SRGAP3: variants seen among roughly 807,000 people sequenced by gnomAD.
The protein encoded by SRGAP3 is SLIT-ROBO Rho GTPase activating protein 3.
Under a neutral mutation model 121.1 loss-of-function variants are expected in SRGAP3, and 39 were observed. That is an observed-to-expected ratio of 0.32 (90% CI 0.25 to 0.42). SRGAP3 has a LOEUF of 0.42. Ranked by LOEUF, SRGAP3 falls within the 10% of genes least tolerant of loss-of-function variation. The probability of loss-of-function intolerance (pLI) is 1.00; values close to 1 mark genes in which losing one functional copy is unlikely to be tolerated. For synonymous variants in SRGAP3, 601 were observed against 570.0 expected, an observed-to-expected ratio of 1.05 and a Z score of -0.77; for missense variants, 1,213 against 1,470.6, an observed-to-expected ratio of 0.82 and a Z score of 2.86.
At chr3:9,167,836 C>T (rs1950844554) in intron 1 of SRGAP3, among the ~76,000 whole-genome samples, 1 of 152,194 alleles carries the variant, frequency 6.6e-6, no homozygotes. Context: ...GCATGCCTCG[C>T]TGTTTTCTTC....
intron 18 of SRGAP3, among the ~76,000 whole-genome samples, chr3:9,002,143 G>A (rs1312307095): frequency 2.0e-5 from 3 of 152,142 alleles, no homozygotes; most frequent in Admixed American, 2.0e-4. Flanking sequence ...GTTCTCTTGG[G>A]TATGCCCTAT....
intron 3 of SRGAP3, among the ~76,000 whole-genome samples, chr3:9,260,934 C>T (rs1001477101): frequency 2.0e-5 from 3 of 152,228 alleles, no homozygotes; most frequent in African/African-American, 7.2e-5. Context: ...GGTTGACAGA[C>T]ACCTTATACA....
Position 9,182,545 on chromosome 3 carries a change from G to A in SRGAP3, c.68-57628C>T, listed in dbSNP as rs112615822. 2.4e-3 allele frequency among the ~76,000 whole-genome samples: 367 copies of A among 152,282 alleles called. 4 individuals carry two copies. The highest frequency in any genetic ancestry group is 7.2e-3 in the African/African-American group (298 of 41,558). On this transcript the variant is annotated intron_variant, in intron 1 of 21. Transcript: ENST00000383836. Reference sequence around the variant, plus strand: ...TCAGACATCCACCCTCCAAAACCATGAGACAATACATTTCTGTGGGTGTTA... The same window carrying A: ...TCAGACATCCACCCTCCAAAACCATAAGACAATACATTTCTGTGGGTGTTA...
chr3:9,163,636 G>C (rs542330167), intron 1 of SRGAP3, among the ~76,000 whole-genome samples: 369 of 152,332 alleles, frequency 2.4e-3, no homozygotes, highest in Non-Finnish European at 4.4e-3. Flanking sequence ...AGACCCCAAA[G>C]GGCTTCCAGA....
chr3:9,287,421 GT>G (rs777596751), intron 3 of SRGAP3, among the ~76,000 whole-genome samples: 12 of 152,262 alleles, frequency 7.9e-5, no homozygotes, highest in Admixed American at 5.9e-4. Context: ...GCCTGAAAAT[GT>G]TTTTCCACTT....
intron 3 of SRGAP3, among the ~76,000 whole-genome samples, chr3:9,293,798 ATCAG>A (rs1421751766): frequency 6.6e-6 from 1 of 152,210 alleles, no homozygotes; most frequent in African/African-American, 2.4e-5. Flanking sequence ...ATCATCTCAC[ATCAG>A]TCAGAATGGC....
chr3:9,344,114 G>T (rs1955842056), intron 1 of SRGAP3, among the ~76,000 whole-genome samples: 1 of 152,172 alleles, frequency 6.6e-6, no homozygotes, highest in African/African-American at 2.4e-5. Flanking sequence ...GAGGTCAGGA[G>T]TTGGAGACCA....
intron 18 of SRGAP3, among the ~76,000 whole-genome samples, chr3:9,006,679 C>T (rs1442920374): frequency 6.6e-6 from 1 of 152,128 alleles, no homozygotes; most frequent in Non-Finnish European, 1.5e-5. Context: ...AGAATGGTGG[C>T]ACAATTATAA....
At chr3:9,003,892 C>G (rs2617113) in intron 18 of SRGAP3, among the ~76,000 whole-genome samples, 1 of 152,232 alleles carries the variant, frequency 6.6e-6, no homozygotes, top group African/African-American at 2.4e-5. Flanking sequence ...GAGATTCTAG[C>G]TGGGCCAATT....
chr3:9,197,965 G>C (rs1483668792), intron 1 of SRGAP3, among the ~76,000 whole-genome samples: 2 of 152,150 alleles, frequency 1.3e-5, no homozygotes, highest in African/African-American at 4.8e-5. Flanking sequence ...TAATATTCCA[G>C]AGAATATTTG....
intron 1 of SRGAP3, among the ~76,000 whole-genome samples, chr3:9,163,759 A>C (rs1035920054): frequency 6.6e-6 from 1 of 151,808 alleles, no homozygotes; most frequent in African/African-American, 2.4e-5. Context: ...TGAGTCAGAG[A>C]CCCTGGGATC....
At chr3:9,246,286 C>T (rs1030473905) in intron 1 of SRGAP3, among the ~76,000 whole-genome samples, 3 of 152,172 alleles carry the variant, frequency 2.0e-5, no homozygotes, top group Admixed American at 6.5e-5. Flanking sequence ...TTTTGCATCC[C>T]ACTGGCCAGA....
intron 1 of SRGAP3, among the ~76,000 whole-genome samples, chr3:9,206,141 G>A (rs948196819): frequency 1.3e-5 from 2 of 152,084 alleles, no homozygotes; most frequent in African/African-American, 4.8e-5. Flanking sequence ...TCAGTATATT[G>A]TAAATAAATA....
intron 3 of SRGAP3, among the ~76,000 whole-genome samples, chr3:9,264,540 C>T (rs974645772): frequency 1.3e-5 from 2 of 152,038 alleles, no homozygotes; most frequent in Admixed American, 1.3e-4. Context: ...TTACAAAATC[C>T]ATGTGCAAAA....
intron 2 of SRGAP3, among the ~76,000 whole-genome samples, chr3:9,121,050 T>C (rs2124968295): frequency 6.6e-6 from 1 of 152,344 alleles, no homozygotes; most frequent in Admixed American, 6.5e-5. Flanking sequence ...ATCCCAGTTC[T>C]GCTCCTAATT....
At chr3:9,282,649 C>T (rs1954700446) in intron 3 of SRGAP3, among the ~76,000 whole-genome samples, 1 of 151,920 alleles carries the variant, frequency 6.6e-6, no homozygotes, top group Non-Finnish European at 1.5e-5. Flanking sequence ...CACTACCATG[C>T]CTGGCTAATT....
At chr3:9,232,814 T>G (rs1375469320) in intron 1 of SRGAP3, among the ~76,000 whole-genome samples, 1 of 152,140 alleles carries the variant, frequency 6.6e-6, no homozygotes, top group Non-Finnish European at 1.5e-5. Flanking sequence ...TGTTACAAGT[T>G]CCTCCAAGGT....
chr3:9,323,640 A>G (rs1283353031), intron 3 of SRGAP3, among the ~76,000 whole-genome samples: 1 of 151,876 alleles, frequency 6.6e-6, no homozygotes, highest in Non-Finnish European at 1.5e-5. Context: ...TGAATCAGAT[A>G]CTACTTAACA....
At chr3:9,129,237 C>T (rs1350049400) in intron 1 of SRGAP3, among the ~76,000 whole-genome samples, 2 of 151,148 alleles carry the variant, frequency 1.3e-5, no homozygotes, top group Non-Finnish European at 2.9e-5. Context: ...TCCCTCCCCA[C>T]AACATTTTGA....
Sources: gnomAD v4.1 joint callset for allele counts (sites outside exome capture counted in the v4.1 genomes callset) on GRCh38, gnomAD v4.1.1 for gene constraint, MANE v1.5 for transcripts, NCBI Gene and HGNC (gene_info 2026-07-23, HGNC 2026-07-21) for gene names.